KCP: variants seen among roughly 807,000 people sequenced by gnomAD.
KCP encodes kielin/chordin-like protein.
In KCP, 194 loss-of-function variants were observed where a neutral mutation model predicts 212.7. The observed-to-expected ratio is 0.91, with a 90% CI of 0.81 to 1.03. KCP has a LOEUF of 1.03. Ranked by LOEUF, KCP falls within the 50% of genes least tolerant of loss-of-function variation. KCP has a pLI of 0.00. For missense variants in KCP, 2,080 were observed against 2,162.5 expected (o/e 0.96, Z 0.76); for synonymous variants, 833 against 865.3 (o/e 0.96, Z 0.65).
chr7:128,888,277 CTG>C (rs1303592521), intron 22 of KCP, among the ~76,000 whole-genome samples: 2 of 148,960 alleles, frequency 1.3e-5, no homozygotes, highest in Non-Finnish European at 3.0e-5. Context: ...CACACATACA[CTG>C]TCACACACAC....
At chr7:128,882,843 G>A (rs562740440) in intron 29 of KCP, among the ~76,000 whole-genome samples, 13 of 152,230 alleles carry the variant, frequency 8.5e-5, no homozygotes, top group African/African-American at 2.9e-4. Flanking sequence ...AGGCTGAGGC[G>A]GGTGGATCAC....
intron 8 of KCP, among the ~76,000 whole-genome samples, chr7:128,902,222 CAG>C (rs1794891408): frequency 6.6e-6 from 1 of 152,170 alleles, no homozygotes; most frequent in Admixed American, 6.5e-5. Flanking sequence ...TAAAACAAAA[CAG>C]ATGAAATTAA....
chr7:128,888,303 CACACAG>C (rs1793841287), intron 22 of KCP, among the ~76,000 whole-genome samples: 4 of 145,032 alleles, frequency 2.8e-5, no homozygotes, highest in Non-Finnish European at 4.5e-5. Context: ...GCAACACACA[CACACAG>C]ATACACCCAC....
intron 20 of KCP, 120 bp from the exon 21 acceptor site, chr7:128,890,633 G>A (rs1156362738): frequency 1.3e-6 from 1 of 756,704 alleles, no homozygotes; most frequent in Non-Finnish European, 2.0e-6. Context: ...GCTGGAGGTC[G>A]TGGGGGCTGG....
chr7:128,890,628 AGGTCGTGGGGGCTGGG>A (rs1794043052), intron 20 of KCP, 115 bp from the exon 21 acceptor site: 3 of 87,836 alleles, frequency 3.4e-5, no homozygotes, highest in Non-Finnish European at 5.0e-5. Flanking sequence ...TGGGGGCTGG[AGGTCGTGGGGGCTGGG>A]GGTCCGTGAG....
At chr7:128,893,155 C>G (rs1362017238) in intron 13 of KCP, 83 bp downstream of exon 13, 38 of 1,378,822 alleles carry the variant, frequency 2.8e-5, no homozygotes, top group Non-Finnish European at 3.6e-5. Context: ...CAACCCGTAC[C>G]CCGTCCTGGG....
rs1267069811 is a variant in KCP, at chr7:128,884,082, C to T, written c.3164G>A (p.Arg1055Gln). The T allele has an allele frequency of 5.8e-6, 9 of 1,544,936 alleles. No individual in the cohort carries two copies. The highest frequency in any genetic ancestry group is 2.7e-5 in the African/African-American group (2 of 72,834). ...GCAGCCCACCAGGCTGGGACACTGCCGCCGGTGACAGCGAAGGCTGGGAGG... is the reference window on the plus strand; with the variant it reads ...GCAGCCCACCAGGCTGGGACACTGCTGCCGGTGACAGCGAAGGCTGGGAGG... ...EGPPSLRCHRRQCPSLVGCPP... is the reference protein window; with the variant it reads ...EGPPSLRCHRQQCPSLVGCPP... Residue 1055 changes from arginine to glutamine, a missense_variant, in exon 29 of 40, where the codon CGG (arginine) becomes CAG (glutamine). Physicochemically the swap from Arg to Gln is conservative, Grantham distance 43. Transcript: ENST00000610776.
rs572318375 is a variant in KCP, at chr7:128,877,657, C to T, written c.4445G>A (p.Arg1482His). The T allele has an allele frequency of 4.7e-5, 73 of 1,551,564 alleles. 1 individual carries two copies. The East Asian group carries it at 5.6e-4, about 12-fold the overall frequency. Residue 1482 changes from arginine (R) to histidine (H), a missense_variant, in exon 39 of 40, where the codon CGC (arginine) becomes CAC (histidine). Arg to His is a conservative substitution (Grantham distance 29, BLOSUM62 0). Transcript: ENST00000610776. ...CTCCGGTGGCACCACAGCATGGCAG[C>T]GACTGAATGGGGAGGACTTCAGCAC... ...CGVLKSSPFSRCHAVVPPEPF... is the reference protein window; with the variant it reads ...CGVLKSSPFSHCHAVVPPEPF...
At position 128,877,506 on chromosome 7, in the gene KCP, G is replaced by A. The variant is rs899959089; in HGVS notation, c.4596C>T (p.Thr1532=). Residue 1532 remains threonine, a synonymous_variant, in exon 39 of 40, where the codon ACC becomes ACT. Coordinates refer to ENST00000610776, the MANE Select transcript of KCP (RefSeq NM_001366122.1). ...CACCACACAGCGTGGGGCCTCGCCA[G>A]GTAGGTGTCACTCCTGCCTGGCGAC... ...SHCRQAGVTP[T]WRGPTLCVVG... is the part of the protein sequence containing the mutation. The A allele has an allele frequency of 1.3e-6, 2 of 1,551,346 alleles. No homozygotes were observed. The highest frequency in any genetic ancestry group is 1.7e-6 in the Non-Finnish European group (2 of 1,146,978).
intron 8 of KCP, among the ~76,000 whole-genome samples, chr7:128,898,534 C>T (rs1794659608): frequency 6.6e-6 from 1 of 152,164 alleles, no homozygotes; most frequent in African/African-American, 2.4e-5. Context: ...CTGAACTTAC[C>T]AAGGTTTTCA....
intron 26 of KCP, among the ~76,000 whole-genome samples, chr7:128,886,005 G>C (rs566839965): frequency 1.3e-5 from 2 of 152,304 alleles, no homozygotes; most frequent in South Asian, 4.2e-4. Context: ...GTATCTTGAT[G>C]ATGATGATGA....
chr7:128,899,872 A>ATGT, intron 8 of KCP, among the ~76,000 whole-genome samples: 18 of 151,970 alleles, frequency 1.2e-4, no homozygotes, highest in African/African-American at 3.6e-4. Flanking sequence ...TTAAGGAATC[A>ATGT]AATTTGACTT....
Position 128,878,653 on chromosome 7 carries a change from G to T in KCP, c.4216C>A (p.Leu1406Ile), listed in dbSNP as rs559303493. 1 of 1,551,322 alleles carries T rather than the reference G, an allele frequency of 6.4e-7. No individual in the cohort carries two copies. Among genetic ancestry groups the T allele is most frequent in the South Asian group, 1.2e-5 (1 of 84,062 alleles). The change falls in exon 38 of 40, where the codon CTC (leucine) becomes ATC (isoleucine). Residue 1406 changes from leucine to isoleucine, a missense_variant. By Grantham distance (5) the Leu-to-Ile change is conservative (BLOSUM62 2). Transcript: ENST00000610776. ...GCAAAGCCATTGAAGTTCCCACAGA[G>T]CCCACAAGTCCGGCCCTGGTAGGAG... ...PGSYQGRTCG[L>I]CGNFNGFAQD...
intron 8 of KCP, 27 bp downstream of exon 8, chr7:128,902,750 C>A: frequency 1.3e-6 from 2 of 1,544,946 alleles, no homozygotes; most frequent in South Asian, 2.4e-5. Flanking sequence ...GGGAGGGGGA[C>A]AGACCAGGAG....
intron 21 of KCP, among the ~76,000 whole-genome samples, chr7:128,889,650 C>T (rs1281844052): frequency 6.6e-6 from 1 of 152,114 alleles, no homozygotes; most frequent in East Asian, 1.9e-4. Flanking sequence ...TCTAATTTTC[C>T]ACTTACAGTG....
chr7:128,880,522 G>A lies in KCP; in HGVS notation c.3623C>T (p.Thr1208Ile). Residue 1208 changes from threonine to isoleucine, a missense_variant, in exon 34 of 40, where the codon ACC (threonine) becomes ATC (isoleucine). Transcript: ENST00000610776. ...DSCCERCQAP[T>I]QSCVHQGREV... is the part of the protein sequence containing the mutation. ...ACGGCCCTGGTGCACGCAGGACTGG[G>A]TGGGAGCTGAAGGGATAGGAGCTGG... The A allele has an allele frequency of 1.3e-6, 2 of 1,494,444 alleles. No individual in the cohort carries two copies. The highest frequency in any genetic ancestry group is 2.6e-5 in the South Asian group (2 of 77,726). 92.6% of individuals were successfully genotyped at this position (1,494,444 alleles called of 1,614,324 possible).
At chr7:128,891,998 C>T (rs930761474) in intron 16 of KCP, among the ~76,000 whole-genome samples, 179 bp from the exon 17 acceptor site, 8 of 152,272 alleles carry the variant, frequency 5.3e-5, no homozygotes, top group Non-Finnish European at 1.0e-4. Flanking sequence ...CACGAGTGTG[C>T]GTGCGCATTG....
At position 128,888,930 on chromosome 7, in the gene KCP, C is replaced by A; in HGVS notation, c.2445G>T (p.Arg815=). 6.5e-7 allele frequency: 1 copy of A among 1,550,198 alleles called. No homozygotes were observed. The highest frequency in any genetic ancestry group is 1.2e-5 in the South Asian group (1 of 83,964). ...GGCTGCAGCCCGGAGGCTCACAGGGCCGGCGGCCGCAGGTCACGAAGCCTC... is the reference window on the plus strand; with the variant it reads ...GGCTGCAGCCCGGAGGCTCACAGGGACGGCGGCCGCAGGTCACGAAGCCTC... The part of the protein sequence containing the change: ...CLGGFVTCGR[R]PCEPPGCSHP... The change falls in exon 22 of 40, where the codon CGG becomes CGT. Residue 815 remains arginine (R), a synonymous_variant. Coordinates refer to ENST00000610776, the MANE Select transcript of KCP (RefSeq NM_001366122.1).
intron 22 of KCP, among the ~76,000 whole-genome samples, chr7:128,888,436 A>G (rs1793862896): frequency 6.6e-6 from 1 of 151,124 alleles, no homozygotes; most frequent in Non-Finnish European, 1.5e-5. Flanking sequence ...ATACACACAC[A>G]TATACACACG....
Sources: allele counts gnomAD v4.1 joint callset (sites outside exome capture counted in the v4.1 genomes callset), GRCh38; gene constraint gnomAD v4.1.1; transcripts MANE v1.5; gene names NCBI Gene and HGNC (gene_info 2026-07-23, HGNC 2026-07-21).